RAB3C: variants seen among roughly 807,000 people sequenced by gnomAD.
RAB3C encodes ras-related protein Rab-3C.
Under a neutral mutation model 26.4 loss-of-function variants are expected in RAB3C, and 17 were observed. The observed-to-expected ratio is 0.64, with a 90% CI of 0.44 to 0.97. The LOEUF is 0.97. Among genes scored for constraint, RAB3C ranks in the 50% least tolerant of loss-of-function variants. The pLI, the probability that RAB3C is intolerant of heterozygous loss-of-function variation, is 0.00. For missense variants in RAB3C, 242 were observed against 281.9 expected, an observed-to-expected ratio of 0.86 and a Z score of 1.01; for synonymous variants, 91 against 95.9, an observed-to-expected ratio of 0.95 and a Z score of 0.30.
intron 2 of RAB3C, among the ~76,000 whole-genome samples, chr5:58,649,203 T>G (rs1488150933): frequency 6.6e-6 from 1 of 152,172 alleles, no homozygotes; most frequent in Admixed American, 6.5e-5. Flanking sequence ...TGAACCTCCC[T>G]ACGGTCTGGT....
intron 2 of RAB3C, among the ~76,000 whole-genome samples, chr5:58,643,118 C>A (rs901858794): frequency 1.3e-5 from 2 of 152,176 alleles, no homozygotes; most frequent in Admixed American, 6.5e-5. Context: ...GCCTGTATAG[C>A]TAATTACCAA....
At chr5:58,724,256 T>C (rs1380766739) in intron 2 of RAB3C, among the ~76,000 whole-genome samples, 1 of 151,794 alleles carries the variant, frequency 6.6e-6, no homozygotes, top group East Asian at 1.9e-4. Context: ...AATTACTTCA[T>C]GGAACCCTAA....
At chr5:58,670,424 C>T (rs1417974699) in intron 2 of RAB3C, among the ~76,000 whole-genome samples, 5 of 152,086 alleles carry the variant, frequency 3.3e-5, no homozygotes, top group African/African-American at 1.2e-4. Flanking sequence ...CATTTCTCTT[C>T]AACTATCTTT....
At chr5:58,761,061 T>TCACACA (rs769194224) in intron 3 of RAB3C, among the ~76,000 whole-genome samples, 1,353 of 126,398 alleles carry the variant, frequency 0.011, 16 homozygotes, top group East Asian at 0.044. Flanking sequence ...TCTCTCTCTC[T>TCACACA]CTCACACACA....
intron 3 of RAB3C, among the ~76,000 whole-genome samples, chr5:58,737,361 T>C (rs2111939405): frequency 7.0e-6 from 1 of 141,992 alleles, no homozygotes; most frequent in African/African-American, 2.6e-5. Context: ...TTCTCTGTTT[T>C]ATGTCTTTTT....
At chr5:58,771,731 T>C (rs939630738) in intron 3 of RAB3C, among the ~76,000 whole-genome samples, 13 of 152,226 alleles carry the variant, frequency 8.5e-5, no homozygotes, top group African/African-American at 3.1e-4. Context: ...AGAGTTAAGA[T>C]CTAGACTGTT....
intron 3 of RAB3C, among the ~76,000 whole-genome samples, chr5:58,799,650 C>T (rs1215123362): frequency 1.3e-5 from 2 of 152,162 alleles, no homozygotes; most frequent in African/African-American, 2.4e-5. Context: ...CCCCTCCACA[C>T]CCCCACACTC....
chr5:58,795,397 A>AC (rs1579922423), intron 3 of RAB3C, among the ~76,000 whole-genome samples: 2 of 152,124 alleles, frequency 1.3e-5, no homozygotes, highest in East Asian at 3.9e-4. Flanking sequence ...GGAAGTCCTC[A>AC]CCCTGTTCCA....
At position 58,726,021 on chromosome 5, in the gene RAB3C, G is replaced by T. The variant is rs777616825; in HGVS notation, c.272G>T (p.Arg91Ile). Residue 91 changes from arginine to isoleucine, a missense_variant, in exon 3 of 5, where the codon AGA becomes ATA. Physicochemically the swap from Arg to Ile is moderately conservative, Grantham distance 97. Coordinates refer to ENST00000282878, the MANE Select transcript of RAB3C (RefSeq NM_138453.4). ...LQIWDTAGQE[R>I]YRTITTAYYR... ...CTTTAGGACACAGCAGGCCAGGAAA[G>T]ATACAGGACTATCACCACAGCCTAT... The T allele has an allele frequency of 1.3e-6, 2 of 1,597,398 alleles. No individual in the cohort carries two copies. Among genetic ancestry groups the T allele is most frequent in the Non-Finnish European group, 1.7e-6 (2 of 1,170,416 alleles).
intron 4 of RAB3C, among the ~76,000 whole-genome samples, chr5:58,827,515 G>T (rs1743512324): frequency 6.6e-6 from 1 of 152,204 alleles, no homozygotes; most frequent in Non-Finnish European, 1.5e-5. Context: ...AGGGATGTTA[G>T]GATGATGGAA....
intron 3 of RAB3C, chr5:58,742,005 A>G (rs1406997953): frequency 6.6e-6 from 1 of 150,706 alleles, no homozygotes; most frequent in Admixed American, 6.6e-5. Context: ...CTCCGTCTAA[A>G]AAAAAAAAAA....
In RAB3C at chr5:58,607,244, G is replaced by A. The variant is rs531234898; in HGVS notation, c.25-10399G>A. Among the ~76,000 whole-genome samples, 4 of 152,286 alleles carry A rather than the reference G, an allele frequency of 2.6e-5. No individual in the cohort carries two copies. In the South Asian group the frequency reaches 6.2e-4, roughly 24 times the overall value. ...TGACTTGATGGAGTTGAAAACTGTG[G>A]CATGAGAACTTTGTGATGTATGCAC... On this transcript the variant is annotated intron_variant, in intron 1 of 4. Coordinates refer to ENST00000282878, the MANE Select transcript of RAB3C (RefSeq NM_138453.4).
At chr5:58,639,645 C>G (rs1579831461) in intron 2 of RAB3C, among the ~76,000 whole-genome samples, 1 of 152,248 alleles carries the variant, frequency 6.6e-6, no homozygotes, top group Non-Finnish European at 1.5e-5. Context: ...TGTCATCACG[C>G]TGGGGATTAG....
intron 3 of RAB3C, among the ~76,000 whole-genome samples, chr5:58,807,007 C>G (rs1281751395): frequency 6.6e-6 from 1 of 152,178 alleles, no homozygotes; most frequent in Non-Finnish European, 1.5e-5. Flanking sequence ...GGTGACTTAG[C>G]AAGATTTGAA....
At chr5:58,583,411 TG>T in intron 1 of RAB3C, 179 bp downstream of exon 1, 2 of 906,774 alleles carry the variant, frequency 2.2e-6, no homozygotes, top group Non-Finnish European at 2.6e-6. Flanking sequence ...TGGCTGTGAT[TG>T]GGGCTGTCTT....
At chr5:58,703,682 A>G (rs1024203158) in intron 2 of RAB3C, among the ~76,000 whole-genome samples, 2 of 152,182 alleles carry the variant, frequency 1.3e-5, no homozygotes, top group Non-Finnish European at 2.9e-5. Flanking sequence ...TTTGAGGGCT[A>G]CTAAAAGCTC....
intron 2 of RAB3C, among the ~76,000 whole-genome samples, chr5:58,684,478 A>G (rs946598705): frequency 6.6e-6 from 1 of 152,192 alleles, no homozygotes; most frequent in African/African-American, 2.4e-5. Context: ...CACAGTTAGT[A>G]GGCTATCAGG....
At chr5:58,623,512 A>T (rs914982136) in intron 2 of RAB3C, among the ~76,000 whole-genome samples, 1 of 152,224 alleles carries the variant, frequency 6.6e-6, no homozygotes, top group African/African-American at 2.4e-5. Context: ...CTAACTTAGC[A>T]TCTGCTTTTC....
intron 2 of RAB3C, among the ~76,000 whole-genome samples, chr5:58,700,504 T>C (rs2111877758): frequency 6.6e-6 from 1 of 152,316 alleles, no homozygotes. Flanking sequence ...CACAATTAAC[T>C]TATGGATCTA....
Sources: allele counts gnomAD v4.1 joint callset (sites outside exome capture counted in the v4.1 genomes callset), GRCh38; gene constraint gnomAD v4.1.1; transcripts MANE v1.5; gene names NCBI Gene and HGNC (gene_info 2026-07-23, HGNC 2026-07-21).